OPCML: variants seen among roughly 807,000 people sequenced by gnomAD.
OPCML encodes opioid-binding protein/cell adhesion molecule.
OPCML carries 13 observed loss-of-function variants against 37.8 expected under a neutral mutation model. The ratio of observed to expected loss-of-function variants is 0.34; its 90% CI spans 0.22 to 0.55. The LOEUF (loss-of-function observed/expected upper bound fraction) is 0.55. Among genes scored for constraint, OPCML ranks in the 20% least tolerant of loss-of-function variants. OPCML has a pLI of 0.91. For synonymous variants in OPCML, 176 were observed against 168.8 expected (o/e 1.04, Z -0.33); for missense variants, 341 against 435.6 (o/e 0.78, Z 1.93).
At chr11:133,054,123 T>C (rs1255643764) in intron 1 of OPCML, among the ~76,000 whole-genome samples, 2 of 152,146 alleles carry the variant, frequency 1.3e-5, no homozygotes, top group Non-Finnish European at 2.9e-5. Context: ...AATATGAGTC[T>C]ATATCATTTT....
At chr11:132,655,682 C>T (rs555689770) in intron 3 of OPCML, among the ~76,000 whole-genome samples, 4 of 152,284 alleles carry the variant, frequency 2.6e-5, no homozygotes, top group Non-Finnish European at 4.4e-5. Context: ...ACAGCAGTGA[C>T]AGCAGACAGC....
intron 1 of OPCML, among the ~76,000 whole-genome samples, chr11:132,974,769 T>C (rs1946419077): frequency 1.3e-5 from 2 of 152,116 alleles, no homozygotes; most frequent in African/African-American, 2.4e-5. Context: ...CTCTGTATCC[T>C]TCAACACTTT....
Position 132,703,359 on chromosome 11 carries a change from C to T in OPCML, c.147-46040G>A, listed in dbSNP as rs147967802. 9.8e-3 allele frequency among the ~76,000 whole-genome samples: 1,487 copies of T among 152,290 alleles called. 17 individuals are homozygous for T. The highest frequency in any genetic ancestry group is 0.016 in the Non-Finnish European group (1,089 of 68,026). On this transcript the variant is annotated intron_variant, in intron 2 of 7. Coordinates refer to ENST00000524381, the MANE Select transcript of OPCML (RefSeq NM_001012393.5). Reference sequence around the variant, plus strand: ...ATGGTATTATAATCTTGTGGGACCACCTTTGCATATATGGGCCATGATTGA... The same window carrying T: ...ATGGTATTATAATCTTGTGGGACCATCTTTGCATATATGGGCCATGATTGA...
rs574269636 is a variant in OPCML, at chr11:133,440,399, C to CA, written c.61+91864dup. 1.8e-3 allele frequency among the ~76,000 whole-genome samples: 178 copies of CA among 100,164 alleles called. 3 individuals are homozygous for CA. Among genetic ancestry groups the CA allele is most frequent in the South Asian group, 4.7e-3 (12 of 2,548 alleles). The allele number at this position is 100,164 out of a possible 152,430, so 65.7% of individuals were successfully genotyped here. A position where few individuals can be genotyped will look rare whatever the true frequency, so the allele number is the denominator to read the frequency against. ...GGGCAACGAGAGCAAAACTCCATCTCAAAAAAAAAAAAAAAGAAAGAAAGA... is the reference window on the plus strand; with the variant it reads ...GGGCAACGAGAGCAAAACTCCATCTCAAAAAAAAAAAAAAAAGAAAGAAAGA... On this transcript the variant is annotated intron_variant, in intron 1 of 7. Coordinates refer to ENST00000524381, the MANE Select transcript of OPCML (RefSeq NM_001012393.5).
chr11:132,466,244 G>A (rs1270973724), intron 4 of OPCML, among the ~76,000 whole-genome samples: 1 of 151,892 alleles, frequency 6.6e-6, no homozygotes, highest in Non-Finnish European at 1.5e-5. Context: ...CCAGCACTTT[G>A]GGAGGCCGAG....
intron 7 of OPCML, chr11:132,435,360 C>T (rs1251246743): frequency 9.3e-6 from 4 of 430,100 alleles, no homozygotes; most frequent in South Asian, 9.8e-5. Context: ...TCTCATCCTA[C>T]TCATCGGATG....
chr11:132,907,670 C>T (rs377478658), intron 2 of OPCML, among the ~76,000 whole-genome samples: 1 of 151,804 alleles, frequency 6.6e-6, no homozygotes, highest in African/African-American at 2.4e-5. Context: ...AGAAATTCAA[C>T]TTCATGTAAA....
chr11:132,753,903 C>T (rs1945936315), intron 2 of OPCML, among the ~76,000 whole-genome samples: 1 of 152,178 alleles, frequency 6.6e-6, no homozygotes, highest in South Asian at 2.1e-4. Flanking sequence ...GGATCTGTTA[C>T]CATCATGCAC....
chr11:133,299,491 CAA>C (rs1942727142), intron 1 of OPCML: 1 of 152,208 alleles, frequency 6.6e-6, no homozygotes, highest in Admixed American at 6.5e-5. Context: ...AACCAGAAAC[CAA>C]AACCATCCAC....
intron 1 of OPCML, among the ~76,000 whole-genome samples, chr11:133,362,443 C>A (rs985017811): frequency 1.3e-5 from 2 of 152,166 alleles, no homozygotes; most frequent in Non-Finnish European, 2.9e-5. Flanking sequence ...CCATCCACCA[C>A]CCAGGGAGCA....
At chr11:132,546,098 C>T (rs536759501) in intron 3 of OPCML, among the ~76,000 whole-genome samples, 13 of 152,112 alleles carry the variant, frequency 8.5e-5, no homozygotes, top group Non-Finnish European at 1.8e-4. Context: ...TTTTCCAATT[C>T]AATAAGTGAG....
rs186241170 is a variant in OPCML at position 133,485,898 on chromosome 11, T to G, written c.61+46366A>C. ...TCTACTTAGTGCCATGTTTTTTCTG[T>G]TTTTTTTTCTTTTACTTTTTGTTGG... is the stretch of plus-strand genomic sequence containing the variant. On this transcript the variant is annotated intron_variant, in intron 1 of 7. Coordinates refer to ENST00000524381, the MANE Select transcript of OPCML (RefSeq NM_001012393.5). 3.1e-4 allele frequency among the ~76,000 whole-genome samples: 47 copies of G among 151,144 alleles called. No individual in the cohort carries two copies. The East Asian group carries it at 7.8e-3, about 25-fold the overall frequency.
chr11:133,078,180 G>A (rs145086160), intron 1 of OPCML, among the ~76,000 whole-genome samples: 106 of 152,308 alleles, frequency 7.0e-4, no homozygotes, highest in African/African-American at 2.4e-3. Flanking sequence ...CACCAAGCAG[G>A]GGTGTGGACG....
chr11:132,552,334 G>A (rs542969850), intron 3 of OPCML, among the ~76,000 whole-genome samples: 11 of 152,248 alleles, frequency 7.2e-5, no homozygotes, highest in East Asian at 5.8e-4. Flanking sequence ...CTTTGCCACC[G>A]GAGAAGGAAA....
At chr11:133,425,332 A>T (rs890600272) in intron 1 of OPCML, among the ~76,000 whole-genome samples, 6 of 152,130 alleles carry the variant, frequency 3.9e-5, no homozygotes, top group Non-Finnish European at 8.8e-5. Flanking sequence ...GAAGCAATAC[A>T]CTTGGCTTTG....
chr11:132,566,303 A>C (rs2096423011), intron 3 of OPCML, among the ~76,000 whole-genome samples: 1 of 152,240 alleles, frequency 6.6e-6, no homozygotes, highest in Non-Finnish European at 1.5e-5. Flanking sequence ...CATCTAATGC[A>C]GGGCTTGAAG....
chr11:133,500,025 C>T (rs922984924), intron 1 of OPCML, among the ~76,000 whole-genome samples: 1 of 151,506 alleles, frequency 6.6e-6, no homozygotes, highest in Non-Finnish European at 1.5e-5. Context: ...GCATGTGCCA[C>T]CACACCCAGC....
intron 4 of OPCML, among the ~76,000 whole-genome samples, chr11:132,443,899 G>A (rs1277911299): frequency 1.3e-5 from 2 of 152,202 alleles, no homozygotes; most frequent in African/African-American, 2.4e-5. Context: ...ACAAAACTGA[G>A]CTATGAGCAG....
At chr11:133,507,940 A>G (rs1235272542) in intron 1 of OPCML, among the ~76,000 whole-genome samples, 4 of 146,484 alleles carry the variant, frequency 2.7e-5, no homozygotes, top group Admixed American at 6.8e-5. Context: ...GAGTGAAAGT[A>G]TGTCTCAAAA....
Sources: allele counts gnomAD v4.1 joint callset (sites outside exome capture counted in the v4.1 genomes callset), GRCh38; gene constraint gnomAD v4.1.1; transcripts MANE v1.5; gene names NCBI Gene and HGNC (gene_info 2026-07-23, HGNC 2026-07-21).